Variants in ESR1 observed in about 807,000 individuals in gnomAD.
ESR1 encodes the protein estrogen receptor.
In ESR1, 12 loss-of-function variants were observed where a neutral mutation model predicts 52.7. The observed-to-expected ratio is 0.23, with a 90% CI of 0.15 to 0.37. The LOEUF (loss-of-function observed/expected upper bound fraction) is 0.37. ESR1 is among the 10% of genes least tolerant of loss of function. The probability of loss-of-function intolerance (pLI) is 1.00; values close to 1 mark genes in which losing one functional copy is unlikely to be tolerated. For missense variants in ESR1, 584 were observed against 779.7 expected (o/e 0.75, Z 2.99); for synonymous variants, 305 against 316.8 (o/e 0.96, Z 0.39).
In ESR1 at chr6:152,098,777, G is replaced by T. The variant is rs747966044; in HGVS notation, c.1599G>T (p.Val533=). 6.2e-7 allele frequency: 1 copy of T among 1,614,172 alleles called. No homozygotes were observed. Among genetic ancestry groups the T allele is most frequent in the Non-Finnish European group, 8.5e-7 (1 of 1,180,034 alleles). The change falls in exon 8 of 8, where the codon GTG becomes GTT. Residue 533 remains valine (V), a synonymous_variant. Coordinates refer to ENST00000206249, the MANE Select transcript of ESR1 (RefSeq NM_000125.4). The surrounding 1 kb of genome is among the most constrained non-coding windows in gnomAD (Gnocchi z 5.1). ...EHLYSMKCKN[V]VPLYDLLLEM... ...TGTACAGCATGAAGTGCAAGAACGTGGTGCCCCTCTATGACCTGCTGCTGG... is the reference window on the plus strand; with the variant it reads ...TGTACAGCATGAAGTGCAAGAACGTTGTGCCCCTCTATGACCTGCTGCTGG...
intron 6 of ESR1, among the ~76,000 whole-genome samples, chr6:152,078,669 G>A (rs1396700766): frequency 6.6e-6 from 1 of 152,174 alleles, no homozygotes; most frequent in East Asian, 1.9e-4. Context: ...GGGGCAGGGT[G>A]TCACCTCACC....
chr6:152,126,387 T>C (rs1410213166), exon 7 of ESR1: 1 of 152,186 alleles, frequency 6.6e-6, no homozygotes, highest in Non-Finnish European at 1.5e-5. Context: ...GTGCTAAAAA[T>C]CACCTAAGTT....
At position 151,704,899 on chromosome 6, in the gene ESR1, A is replaced by G. The variant is rs544770184; in HGVS notation, c.-71+2894A>G. On this transcript the variant is annotated intron_variant, in intron 2 of 2. Coordinates refer to the ESR1 transcript ENST00000404742. The stretch of plus-strand genomic sequence containing the variant: ...ACTCAAGGTCTTGGTCCCTGTAAAT[A>G]TGGGTTTCCAGGTTATGTATGCAGG... 4.6e-5 allele frequency among the ~76,000 whole-genome samples: 7 copies of G among 151,140 alleles called. No homozygotes were observed. In the East Asian group the frequency reaches 1.4e-3, roughly 30 times the overall value.
intron 2 of ESR1, among the ~76,000 whole-genome samples, chr6:151,703,991 T>G: frequency 6.6e-6 from 1 of 152,190 alleles, no homozygotes; most frequent in East Asian, 1.9e-4. Flanking sequence ...TTCTCCTCCA[T>G]TTTTGCTGCC....
At chr6:151,806,472 A>G (rs1205228612), upstream of ESR1, among the ~76,000 whole-genome samples, 1 of 148,864 alleles carries the variant, frequency 6.7e-6, no homozygotes, top group Non-Finnish European at 1.5e-5. Flanking sequence ...CAAAAGTATA[A>G]ACTATCCAAG....
intron 1 of ESR1, among the ~76,000 whole-genome samples, chr6:151,701,069 A>G (rs1342267047): frequency 1.3e-5 from 2 of 152,146 alleles, no homozygotes; most frequent in Non-Finnish European, 2.9e-5. Context: ...GCATTGCTCA[A>G]TTTCTCACTT....
intron 5 of ESR1, among the ~76,000 whole-genome samples, chr6:152,048,399 A>T (rs1324784068): frequency 1.3e-5 from 2 of 150,262 alleles, no homozygotes; most frequent in Non-Finnish European, 3.0e-5. Context: ...TCACTCACAG[A>T]GGGCTTCTCA....
intron 3 of ESR1, among the ~76,000 whole-genome samples, chr6:151,920,989 T>C (rs1236611565): frequency 6.6e-6 from 1 of 152,132 alleles, no homozygotes; most frequent in Admixed American, 6.5e-5. Flanking sequence ...GTTACATAGT[T>C]AAACGTGTGC....
At chr6:151,731,541 C>T (rs943210700) in intron 2 of ESR1, among the ~76,000 whole-genome samples, 2 of 152,054 alleles carry the variant, frequency 1.3e-5, no homozygotes, top group Non-Finnish European at 2.9e-5. Flanking sequence ...GCCAGGTTCT[C>T]GCTGCCTCGT....
upstream of ESR1, among the ~76,000 whole-genome samples, chr6:151,801,663 TTTGAC>T (rs1777257495): frequency 6.6e-6 from 1 of 152,242 alleles, no homozygotes; most frequent in Admixed American, 6.5e-5. Flanking sequence ...ACTGATTCCA[TTTGAC>T]TTCTTGTTAA....
chr6:152,086,087 C>G (rs577196715), intron 6 of ESR1, among the ~76,000 whole-genome samples: 19 of 152,300 alleles, frequency 1.2e-4, no homozygotes, highest in African/African-American at 4.3e-4. Flanking sequence ...GACTAGGTCA[C>G]CCCAGTGGGA....
At chr6:152,084,036 C>T (rs999067357) in intron 6 of ESR1, among the ~76,000 whole-genome samples, 15 of 151,996 alleles carry the variant, frequency 9.9e-5, no homozygotes, top group East Asian at 1.9e-4. Context: ...TGTCCATCAA[C>T]GATAGACTGG....
At chr6:152,028,849 A>G (rs1455606758) in intron 5 of ESR1, among the ~76,000 whole-genome samples, 1 of 152,188 alleles carries the variant, frequency 6.6e-6, no homozygotes, top group Non-Finnish European at 1.5e-5. Flanking sequence ...CTGCCTCCTC[A>G]AGTGGGTCCC....
At chr6:151,810,837 ATAT>A (rs1778713246) in intron 1 of ESR1, among the ~76,000 whole-genome samples, 1 of 152,220 alleles carries the variant, frequency 6.6e-6, no homozygotes, top group Non-Finnish European at 1.5e-5. Context: ...ATGGCCTAAA[ATAT>A]TATATGTTCA....
intron 3 of ESR1, among the ~76,000 whole-genome samples, chr6:151,898,379 T>G (rs1249975490): frequency 2.0e-5 from 3 of 151,412 alleles, no homozygotes; most frequent in Non-Finnish European, 4.4e-5. Flanking sequence ...TTGGAGGTTT[T>G]GTTCATTTTT....
chr6:151,789,052 T>C (rs1200706133), intron 2 of ESR1, among the ~76,000 whole-genome samples: 2 of 152,178 alleles, frequency 1.3e-5, no homozygotes, highest in African/African-American at 4.8e-5. Context: ...CAAACCCCCA[T>C]GACACAAGTT....
intron 3 of ESR1, among the ~76,000 whole-genome samples, chr6:151,931,902 G>A (rs1310331642): frequency 1.2e-3 from 170 of 143,744 alleles, no homozygotes; most frequent in African/African-American, 4.3e-3. Flanking sequence ...GAATAATGCC[G>A]CAATAAACAT....
At chr6:152,063,118 C>T (rs1290487628) in intron 6 of ESR1, among the ~76,000 whole-genome samples, 1 of 152,102 alleles carries the variant, frequency 6.6e-6, no homozygotes, top group East Asian at 1.9e-4. Flanking sequence ...AGGATTTGGC[C>T]CCTGTCTGCC....
chr6:152,092,796 C>T (rs2050291197), intron 6 of ESR1, among the ~76,000 whole-genome samples: 1 of 152,198 alleles, frequency 6.6e-6, no homozygotes, highest in Admixed American at 6.5e-5. Flanking sequence ...GTTCTCAATA[C>T]TTCTTACTTC....
Sources: allele counts gnomAD v4.1 joint callset (sites outside exome capture counted in the v4.1 genomes callset), GRCh38; gene constraint gnomAD v4.1.1; non-coding constraint Gnocchi (gnomAD v3.1); transcripts MANE v1.5; gene names NCBI Gene and HGNC (gene_info 2026-07-23, HGNC 2026-07-21).